Variants in NTRK1 observed in about 807,000 individuals in gnomAD.
NTRK1 encodes the protein neurotrophic receptor tyrosine kinase 1.
In NTRK1, 62 loss-of-function variants were observed where a neutral mutation model predicts 86.8. The ratio of observed to expected loss-of-function variants is 0.71; its 90% CI spans 0.58 to 0.88. The LOEUF is 0.88. Ranked by LOEUF, NTRK1 falls within the 40% of genes least tolerant of loss-of-function variation. NTRK1 has a pLI of 0.00. For missense variants in NTRK1, 967 were observed against 1,078.4 expected, an observed-to-expected ratio of 0.90 and a Z score of 1.45; for synonymous variants, 469 against 456.6, an observed-to-expected ratio of 1.03 and a Z score of -0.35.
intron 1 of NTRK1, among the ~76,000 whole-genome samples, chr1:156,830,098 G>A (rs769021264): frequency 1.1e-4 from 16 of 152,358 alleles, no homozygotes; most frequent in East Asian, 1.9e-4. Flanking sequence ...AGCACAGCCC[G>A]TCTGTGGCTC....
At position 156,879,236 on chromosome 1, in the gene NTRK1, C is replaced by T. The variant is rs1242434948; in HGVS notation, c.1920C>T (p.Tyr640=). The change falls in exon 15 of 17, where the codon TAC becomes TAT. Residue 640 remains tyrosine (Y), a synonymous_variant. Transcript: ENST00000524377. ...VASQVAAGMV[Y]LAGLHFVHRD... ...GCCAGGTCGCTGCGGGGATGGTGTA[C>T]CTGGCGGGTCTGCATTTTGTGCACC... The T allele has an allele frequency of 6.2e-7, 1 of 1,614,074 alleles. No homozygotes were observed.
rs374233274 is a variant in NTRK1 at position 156,854,238 on chromosome 1, C to T, written c.51-10116C>T. ...AGCAGGATCTGCAGGTGGCCCTCCACCACGCTGCAGTTCTCCAGCTGACGA... is the reference window on the plus strand; with the variant it reads ...AGCAGGATCTGCAGGTGGCCCTCCATCACGCTGCAGTTCTCCAGCTGACGA... On this transcript the variant is annotated intron_variant, in intron 2 of 16. Transcript: ENST00000392302. The surrounding 1 kb of genome is among the most constrained non-coding windows in gnomAD (Gnocchi z 4.2). The T allele has an allele frequency of 1.2e-6, 2 of 1,613,900 alleles. No individual in the cohort carries two copies. The highest frequency in any genetic ancestry group is 8.5e-7 in the Non-Finnish European group (1 of 1,180,020).
At chr1:156,830,158 G>A (rs771994572) in intron 1 of NTRK1, among the ~76,000 whole-genome samples, 4 of 152,216 alleles carry the variant, frequency 2.6e-5, no homozygotes, top group African/African-American at 4.8e-5. Context: ...TCTGGAAACC[G>A]TGCTTACCAC....
chr1:156,836,153 G>T (rs1371707324), intron 1 of NTRK1, among the ~76,000 whole-genome samples: 1 of 152,178 alleles, frequency 6.6e-6, no homozygotes, highest in Non-Finnish European at 1.5e-5. Context: ...CACCTGGGAG[G>T]CTGGGAGCCA....
At chr1:156,830,989 T>G (rs1382232847) in intron 1 of NTRK1, among the ~76,000 whole-genome samples, 1 of 152,224 alleles carries the variant, frequency 6.6e-6, no homozygotes, top group African/African-American at 2.4e-5. Flanking sequence ...TGACTAGGGC[T>G]GAGGGTCAGA....
At chr1:156,845,173 G>T (rs1654946688) in intron 2 of NTRK1, 1 of 1,611,070 alleles carries the variant, frequency 6.2e-7, no homozygotes, top group African/African-American at 1.3e-5. Flanking sequence ...GGTATTCCGT[G>T]AAGTGGCGCA....
At chr1:156,848,812 T>C (rs1655097018) in intron 2 of NTRK1, 2 of 1,363,970 alleles carry the variant, frequency 1.5e-6, no homozygotes, top group Non-Finnish European at 2.0e-6. Context: ...GGTCCTGGCT[T>C]CCTGGGTCTT....
At chr1:156,825,742 A>G (rs913598951) in intron 1 of NTRK1, among the ~76,000 whole-genome samples, 6 of 152,204 alleles carry the variant, frequency 3.9e-5, no homozygotes, top group Admixed American at 2.0e-4. Flanking sequence ...AAGAACATTA[A>G]TCTGAACCTG....
At chr1:156,840,821 C>A (rs552325213) in intron 1 of NTRK1, 3 of 1,389,280 alleles carry the variant, frequency 2.2e-6, no homozygotes, top group Non-Finnish European at 3.0e-6. Flanking sequence ...CCACAGAGGT[C>A]GGGTCCCTTC....
chr1:156,864,671 G>A (rs2102885877), intron 2 of NTRK1, 57 bp from the exon 3 acceptor site: 1 of 1,586,368 alleles, frequency 6.3e-7, no homozygotes, highest in African/African-American at 1.3e-5. Flanking sequence ...GGCAGGGAGG[G>A]CCAGGGGCCC....
chr1:156,828,771 C>T (rs904480264), intron 1 of NTRK1, among the ~76,000 whole-genome samples: 26 of 152,308 alleles, frequency 1.7e-4, no homozygotes, highest in African/African-American at 5.5e-4. Context: ...TGGCAAATCC[C>T]GGAAGCCCTC....
chr1:156,858,866 G>A (rs1050947316), upstream of NTRK1: 4 of 555,532 alleles, frequency 7.2e-6, no homozygotes, highest in African/African-American at 5.6e-5. Flanking sequence ...ATTGAGAGAT[G>A]GGGACAGAGA....
rs1655347226 is a variant in NTRK1, at chr1:156,854,673, G to T, written c.51-9681G>T. ...CTTTTTCACCTTGTACGTCCTGTGG[G>T]TTTATCTTTAAAATATGTCCAGGAT... On this transcript the variant is annotated intron_variant, in intron 2 of 16. Coordinates refer to the NTRK1 transcript ENST00000392302. The surrounding 1 kb of genome is among the most constrained non-coding windows in gnomAD (Gnocchi z 4.2). 1.3e-5 allele frequency among the ~76,000 whole-genome samples: 2 copies of T among 152,174 alleles called. No homozygotes were observed. Among genetic ancestry groups the T allele is most frequent in the East Asian group, 3.9e-4 (2 of 5,172 alleles).
At chr1:156,816,180 G>C (rs1164579180) in intron 1 of NTRK1, 1 of 1,501,384 alleles carries the variant, frequency 6.7e-7, no homozygotes, top group East Asian at 2.4e-5. Context: ...AGGCTCAGGG[G>C]ATCTGGAGGG....
At chr1:156,849,163 C>A (rs900509666) in intron 2 of NTRK1, 3 of 1,599,708 alleles carry the variant, frequency 1.9e-6, no homozygotes, top group African/African-American at 2.7e-5. Flanking sequence ...CTCAGAGTGT[C>A]CCCCTCGAGC....
chr1:156,851,585 T>C, intron 2 of NTRK1: 1 of 1,611,976 alleles, frequency 6.2e-7, no homozygotes, highest in Non-Finnish European at 8.5e-7. Context: ...ATTGTAAGGG[T>C]TGTGTCTGGG....
chr1:156,876,622 C>T (rs753625484), intron 14 of NTRK1, 50 bp downstream of exon 14: 13 of 1,568,314 alleles, frequency 8.3e-6, no homozygotes, highest in South Asian at 5.8e-5. Flanking sequence ...CTCTGGGCCC[C>T]GTCTTCCCTT....
At chr1:156,864,234 A>T in intron 1 of NTRK1, 120 bp from the exon 2 acceptor site, 1 of 905,882 alleles carries the variant, frequency 1.1e-6, no homozygotes, top group South Asian at 1.4e-5. Context: ...TGCAGGTCTG[A>T]ACAGGTGCAT....
chr1:156,849,125 T>G, intron 2 of NTRK1: 1 of 1,597,074 alleles, frequency 6.3e-7, no homozygotes, highest in South Asian at 1.1e-5. Context: ...CGGCATCCCA[T>G]TCCCAGTGAG....
Sources: allele counts gnomAD v4.1 joint callset (sites outside exome capture counted in the v4.1 genomes callset), GRCh38; gene constraint gnomAD v4.1.1; non-coding constraint Gnocchi (gnomAD v3.1); transcripts MANE v1.5; gene names NCBI Gene and HGNC (gene_info 2026-07-23, HGNC 2026-07-21).